Variants in FUCA1 observed in about 807,000 individuals in gnomAD.
The protein encoded by FUCA1 is alpha-L-fucosidase 1.
FUCA1 carries 52 observed loss-of-function variants against 56.8 expected under a neutral mutation model. The observed-to-expected ratio is 0.92, with a 90% CI of 0.73 to 1.15. FUCA1 has a LOEUF of 1.15. FUCA1 is among the 50% of genes most tolerant of loss of function. The probability of loss-of-function intolerance (pLI) is 0.00; values close to 1 mark genes in which losing one functional copy is unlikely to be tolerated. For synonymous variants in FUCA1, 230 were observed against 226.6 expected, an observed-to-expected ratio of 1.02 and a Z score of -0.14; for missense variants, 568 against 592.6, an observed-to-expected ratio of 0.96 and a Z score of 0.43.
intron 3 of FUCA1, 101 bp downstream of exon 3, chr1:23,863,033 G>A: frequency 7.9e-7 from 1 of 1,272,618 alleles, no homozygotes; most frequent in Non-Finnish European, 1.1e-6. Flanking sequence ...TGTCTTTTAG[G>A]TTTTTTTCAT....
intron 3 of FUCA1, 128 bp from the exon 4 acceptor site, chr1:23,860,031 A>G (rs1471702065): frequency 1.5e-6 from 1 of 679,900 alleles, no homozygotes; most frequent in Non-Finnish European, 2.7e-6. Context: ...GCAGCTATCA[A>G]CATGTATGAT....
Position 23,859,899 on chromosome 1 carries a change from T to C in FUCA1, c.667A>G (p.Lys223Glu), listed in dbSNP as rs774179815. 11 of 1,599,076 alleles carry C rather than the reference T, an allele frequency of 6.9e-6. No homozygotes were observed. Among genetic ancestry groups the C allele is most frequent in the Non-Finnish European group, 8.6e-6 (10 of 1,166,368 alleles). The change falls in exon 4 of 8, where the codon AAA becomes GAA. Residue 223 changes from lysine to glutamate, a missense_variant. Lys to Glu is a moderately conservative substitution (Grantham distance 56). Transcript: ENST00000374479. Reference sequence around the variant, plus strand: ...CCATCAGACCAGATCAGATCAGGTTTATAGCTGGAAGACATGTGATCAGGA... The same window carrying C: ...CCATCAGACCAGATCAGATCAGGTTCATAGCTGGAAGACATGTGATCAGGA... Reference protein sequence around the residue: ...PELYDLVNSYKPDLIWSDGEW... With the variant: ...PELYDLVNSYEPDLIWSDGEW...
intron 5 of FUCA1, among the ~76,000 whole-genome samples, chr1:23,853,123 CCGCCGCCCCGTCTGGG>C: frequency 6.7e-6 from 1 of 149,608 alleles, no homozygotes; most frequent in Non-Finnish European, 1.5e-5. Flanking sequence ...CGCCTCTGCC[CCGCCGCCCCGTCTGGG>C]ATGTGAGGAG....
chr1:23,852,674 C>T (rs1282377916), intron 5 of FUCA1, among the ~76,000 whole-genome samples: 5 of 152,128 alleles, frequency 3.3e-5, no homozygotes, highest in Non-Finnish European at 7.4e-5. Flanking sequence ...GACGGGGTTT[C>T]GCTGTGTTGG....
intron 4 of FUCA1, among the ~76,000 whole-genome samples, chr1:23,859,072 A>G (rs940311781): frequency 6.6e-6 from 1 of 152,136 alleles, no homozygotes; most frequent in South Asian, 2.1e-4. Flanking sequence ...ATGAGCTGCT[A>G]TGCTTGGCCT....
In FUCA1 at chr1:23,848,650, A is replaced by G; in HGVS notation, c.1159T>C (p.Trp387Arg). The G allele has an allele frequency of 6.2e-7, 1 of 1,614,106 alleles. No individual in the cohort carries two copies. The highest frequency in any genetic ancestry group is 8.5e-7 in the Non-Finnish European group (1 of 1,179,952). The change falls in exon 6 of 8, where the codon TGG becomes CGG. Residue 387 changes from tryptophan (W) to arginine (R), a missense_variant and splice_region_variant. By Grantham distance (101) the Trp-to-Arg change is moderately radical. Transcript: ENST00000374479. ...VQWEKNTTSV[W>R]YTSKGSAVYA... ...CACACAACAGAAGACAAGACTCACC[A>G]TACAGATGTTGTGTTCTTTTCCCAT...
At chr1:23,851,238 C>T (rs1440746124) in intron 5 of FUCA1, among the ~76,000 whole-genome samples, 1 of 152,110 alleles carries the variant, frequency 6.6e-6, no homozygotes, top group Non-Finnish European at 1.5e-5. Context: ...GTGGCACGTG[C>T]CTGTATTCCC....
chr1:23,861,490 A>G (rs1050901531), intron 3 of FUCA1, among the ~76,000 whole-genome samples: 15 of 152,196 alleles, frequency 9.9e-5, no homozygotes, highest in Admixed American at 4.6e-4. Flanking sequence ...ATGGTGCTTC[A>G]GGACTATAAG....
rs200812700 is a variant in FUCA1 at position 23,845,885 on chromosome 1, C to T, written c.1261-30G>A. 1.2e-4 allele frequency: 192 copies of T among 1,613,716 alleles called. 2 individuals are homozygous for T. In the East Asian group the frequency reaches 4.2e-3, roughly 36 times the overall value. On this transcript the variant is annotated intron_variant, in intron 7 of 7. Transcript: ENST00000374479. ...AGAAAACAAAAGGGAATGAAACAAA[C>T]TGGTAATGCACTAATGAGTATAGAA...
At chr1:23,847,729 T>C (rs1356261130) in intron 6 of FUCA1, among the ~76,000 whole-genome samples, 1 of 152,056 alleles carries the variant, frequency 6.6e-6, no homozygotes, top group Non-Finnish European at 1.5e-5. Flanking sequence ...CTTTAAAAAT[T>C]ATCCAGTCTA....
rs1199190783 is a variant in FUCA1 at position 23,867,878 on chromosome 1, C to A, written c.389+20G>T. ...CCGCCCGAGCCGGGAAGGGGCGCCG[C>A]TCCCCGGGACCACACTCACTTGGCG... On this transcript the variant is annotated intron_variant, in intron 1 of 7. Coordinates refer to ENST00000374479, the MANE Select transcript of FUCA1 (RefSeq NM_000147.5). The surrounding 1 kb of genome is among the most constrained non-coding windows in gnomAD (Gnocchi z 4.9). The A allele has an allele frequency of 6.5e-7, 1 of 1,536,396 alleles. No individual in the cohort carries two copies. Among genetic ancestry groups the A allele is most frequent in the Non-Finnish European group, 8.8e-7 (1 of 1,142,350 alleles).
chr1:23,845,344 TC>T lies in FUCA1; in HGVS notation c.*370del. 2 of 339,378 alleles carry T rather than the reference TC, an allele frequency of 5.9e-6. No individual in the cohort carries two copies. Among genetic ancestry groups the T allele is most frequent in the Non-Finnish European group, 5.7e-6 (1 of 176,614 alleles). The allele number at this position is 339,378 out of a possible 1,614,324, so 21.0% of individuals were successfully genotyped here. A position where few individuals can be genotyped will look rare whatever the true frequency, so the allele number is the denominator to read the frequency against. ...ATAGCATGTGGTTGAGCTTGCCAAA[TC>T]CTTCCACCTCCTCCCATAGGCAACA... On this transcript the variant is annotated 3_prime_UTR_variant, in exon 8 of 8. Transcript: ENST00000374479.
rs777928698 is a variant in FUCA1, at chr1:23,846,060, C to G, written c.1260+14G>C. On this transcript the variant is annotated intron_variant, in intron 7 of 7. Coordinates refer to ENST00000374479, the MANE Select transcript of FUCA1 (RefSeq NM_000147.5). ...ACAGAAAGTTACATCTTAAGACTGA[C>G]TAAGCCTCTTTACCTTTGTAGTTGA... 40 of 1,597,028 alleles carry G rather than the reference C, an allele frequency of 2.5e-5. No homozygotes were observed. Among genetic ancestry groups the G allele is most frequent in the Non-Finnish European group, 3.3e-5 (39 of 1,164,450 alleles).
intron 6 of FUCA1, 136 bp downstream of exon 6, chr1:23,848,513 A>T: frequency 1.2e-6 from 1 of 829,868 alleles, no homozygotes; most frequent in Non-Finnish European, 2.0e-6. Context: ...TGGGGTACAA[A>T]TTTTATAGGA....
intron 4 of FUCA1, among the ~76,000 whole-genome samples, chr1:23,858,563 T>C (rs1639442837): frequency 1.3e-5 from 2 of 152,232 alleles, no homozygotes; most frequent in African/African-American, 4.8e-5. Flanking sequence ...ATGCACTGCC[T>C]CATAGTGTTG....
intron 5 of FUCA1, among the ~76,000 whole-genome samples, chr1:23,850,955 TAATA>T (rs1639243375): frequency 6.6e-6 from 1 of 151,862 alleles, no homozygotes; most frequent in African/African-American, 2.4e-5. Context: ...AAAATAATAA[TAATA>T]ATAGAGATGG....
intron 2 of FUCA1, 70 bp from the exon 3 acceptor site, chr1:23,863,341 G>A: frequency 6.6e-7 from 1 of 1,520,652 alleles, no homozygotes; most frequent in South Asian, 1.2e-5. Context: ...AGGAAAATCA[G>A]TTCTAGCATT....
At chr1:23,846,275 C>CTTTTCT (rs1553135412) in intron 6 of FUCA1, 102 bp from the exon 7 acceptor site, 3 of 668,974 alleles carry the variant, frequency 4.5e-6, no homozygotes, top group East Asian at 5.9e-5. Flanking sequence ...CTTTTCTTTT[C>CTTTTCT]TTTTTTTTTT....
At chr1:23,849,217 C>T (rs759913037) in intron 5 of FUCA1, among the ~76,000 whole-genome samples, 18 of 152,156 alleles carry the variant, frequency 1.2e-4, no homozygotes, top group Admixed American at 2.6e-4. Flanking sequence ...AACTCCTGAC[C>T]TCAGGTGATC....
Sources: allele counts gnomAD v4.1 joint callset (sites outside exome capture counted in the v4.1 genomes callset), GRCh38; gene constraint gnomAD v4.1.1; non-coding constraint Gnocchi (gnomAD v3.1); transcripts MANE v1.5; gene names NCBI Gene and HGNC (gene_info 2026-07-23, HGNC 2026-07-21).